LMF1: variants seen among roughly 807,000 people sequenced by gnomAD.
The protein encoded by LMF1 is lipase maturation factor 1, also known as transmembrane protein 112.
LMF1 carries 68 observed loss-of-function variants against 60.6 expected under a neutral mutation model. The ratio of observed to expected loss-of-function variants is 1.12; its 90% CI spans 0.92 to 1.37. The LOEUF is 1.37. LMF1 is among the 40% of genes most tolerant of loss of function. The probability of loss-of-function intolerance (pLI) is 0.00; values close to 1 mark genes in which losing one functional copy is unlikely to be tolerated. For synonymous variants in LMF1, 418 were observed against 324.7 expected (o/e 1.29, Z -3.09); for missense variants, 948 against 767.2 (o/e 1.24, Z -2.78).
intron 5 of LMF1, among the ~76,000 whole-genome samples, chr16:883,149 T>C (rs552620097): frequency 2.6e-4 from 36 of 138,780 alleles, no homozygotes; most frequent in East Asian, 2.0e-3. Flanking sequence ...AAAGAGGAGC[T>C]GCTCAGCAGA....
chr16:933,934 G>C, intron 3 of LMF1: 1 of 1,371,294 alleles, frequency 7.3e-7, no homozygotes, highest in East Asian at 3.4e-5. Context: ...GAGCGTCCAC[G>C]GGGGATGGGC....
intron 1 of LMF1, among the ~76,000 whole-genome samples, chr16:954,958 C>CCA (rs1491110273): frequency 3.3e-5 from 2 of 60,290 alleles, no homozygotes; most frequent in East Asian, 4.0e-4. Flanking sequence ...GTGTGTGCAT[C>CCA]CACACACACA....
At chr16:908,282 T>C (rs1339415159) in intron 4 of LMF1, among the ~76,000 whole-genome samples, 1 of 152,202 alleles carries the variant, frequency 6.6e-6, no homozygotes, top group Non-Finnish European at 1.5e-5. Flanking sequence ...GTATTTCTAA[T>C]TAAATGGAAA....
intron 6 of LMF1, chr16:871,542 G>T (rs946570569): frequency 1.7e-6 from 1 of 598,776 alleles, no homozygotes; most frequent in Admixed American, 3.0e-5. Context: ...GGTGCCTTCC[G>T]GCAGGTGCTT....
intron 1 of LMF1, chr16:968,840 T>C (rs1375604565): frequency 6.6e-6 from 1 of 152,222 alleles, no homozygotes; most frequent in Non-Finnish European, 1.5e-5. Context: ...TGAGCTGGTT[T>C]TATGAAGCTG....
At chr16:936,948 C>T (rs1220210643) in intron 2 of LMF1, among the ~76,000 whole-genome samples, 6 of 152,086 alleles carry the variant, frequency 3.9e-5, no homozygotes, top group Admixed American at 1.3e-4. Flanking sequence ...CCAGCCTGGG[C>T]GACAGGGCGG....
Position 910,830 on chromosome 16 carries a change from C to A in LMF1, c.663+101G>T, listed in dbSNP as rs545256012. On this transcript the variant is annotated intron_variant, in intron 4 of 10. Transcript: ENST00000262301. The stretch of plus-strand genomic sequence containing the variant: ...GCCAGGCCGACAGGAGGACAGAGGG[C>A]GGCGGGGGAGGAAGGAAACAGCCTC... 4.8e-6 allele frequency: 7 copies of A among 1,452,880 alleles called. No homozygotes were observed. In the Admixed American group the frequency reaches 7.1e-5, roughly 15 times the overall value. 90.0% of individuals were successfully genotyped at this position (1,452,880 alleles called of 1,614,324 possible).
At chr16:918,240 G>C (rs1442575102) in intron 3 of LMF1, among the ~76,000 whole-genome samples, 1 of 152,196 alleles carries the variant, frequency 6.6e-6, no homozygotes, top group Non-Finnish European at 1.5e-5. Context: ...AACAGGAAGT[G>C]GCCTCAGTGA....
intron 2 of LMF1, among the ~76,000 whole-genome samples, chr16:942,394 C>A (rs940995465): frequency 6.6e-5 from 10 of 152,256 alleles, no homozygotes; most frequent in African/African-American, 2.4e-4. Context: ...TTACTGCTTA[C>A]AGTGTGCTGA....
At chr16:939,982 T>A (rs2072052108) in intron 2 of LMF1, among the ~76,000 whole-genome samples, 1 of 151,926 alleles carries the variant, frequency 6.6e-6, no homozygotes, top group South Asian at 2.1e-4. Flanking sequence ...GGTGAGGGCG[T>A]CCTGGACTAT....
intron 5 of LMF1, among the ~76,000 whole-genome samples, 172 bp downstream of exon 5, chr16:892,834 GC>G (rs2070529896): frequency 6.6e-6 from 1 of 152,208 alleles, no homozygotes. Flanking sequence ...GCCCCAGCAA[GC>G]CCCCGTGTGA....
Position 954,145 on chromosome 16 carries a change from T to G in LMF1, c.503+212A>C, listed in dbSNP as rs550792799. The G allele has an allele frequency of 2.6e-5, 18 of 686,726 alleles. No homozygotes were observed. The South Asian group carries it at 2.7e-4, about 10-fold the overall frequency. The allele number at this position is 686,726 out of a possible 1,614,324, so 42.5% of individuals were successfully genotyped here. On this transcript the variant is annotated intron_variant, in intron 2 of 10. Transcript: ENST00000262301. ...AGTCCTTTAAGTAAGGAAGAGCTAC[T>G]GCAAAGAGGTGGGGTTTTAATCCTG...
intron 5 of LMF1, among the ~76,000 whole-genome samples, chr16:880,947 C>A (rs1027708737): frequency 7.9e-5 from 12 of 152,210 alleles, no homozygotes; most frequent in African/African-American, 2.2e-4. Context: ...GCACAGCCCG[C>A]GGGAGCCATT....
At chr16:971,046 C>A (rs2073042458), upstream of LMF1, 1 of 1,348,998 alleles carries the variant, frequency 7.4e-7, no homozygotes, top group Non-Finnish European at 9.6e-7. Context: ...TCTCGGAGGC[C>A]CCGCCTCTCC....
intron 4 of LMF1, among the ~76,000 whole-genome samples, chr16:902,958 G>A (rs2070861239): frequency 1.3e-5 from 1 of 75,162 alleles, no homozygotes; most frequent in African/African-American, 8.5e-5. Context: ...CCTCTGCACT[G>A]CCCGTGGGGA....
chr16:872,494 A>C (rs2069828097), intron 6 of LMF1: 1 of 152,204 alleles, frequency 6.6e-6, no homozygotes, highest in Non-Finnish European at 1.5e-5. Flanking sequence ...CACTGTCTAC[A>C]AGGTTACTAA....
intron 1 of LMF1, chr16:979,631 T>C (rs776527065): frequency 1.1e-5 from 5 of 453,856 alleles, no homozygotes; most frequent in Admixed American, 2.4e-5. Flanking sequence ...GCTTCCTTGG[T>C]GGATGGGGAG....
intron 1 of LMF1, chr16:963,953 G>A (rs2072869249): frequency 7.0e-6 from 3 of 429,602 alleles, no homozygotes; most frequent in South Asian, 4.7e-5. Flanking sequence ...AACTAACCAA[G>A]CAGTCAAGCT....
At chr16:868,816 T>G in intron 10 of LMF1, 128 bp downstream of exon 10, 1 of 427,942 alleles carries the variant, frequency 2.3e-6, no homozygotes, top group South Asian at 2.1e-5. Flanking sequence ...AGGCCCCACC[T>G]CCTGCCTCTG....
Sources: allele counts gnomAD v4.1 joint callset (sites outside exome capture counted in the v4.1 genomes callset), GRCh38; gene constraint gnomAD v4.1.1; transcripts MANE v1.5; gene names NCBI Gene and HGNC (gene_info 2026-07-23, HGNC 2026-07-21).